ZNF503: variants seen among roughly 807,000 people sequenced by gnomAD.
ZNF503 encodes NocA-like zinc finger 2.
Under a neutral mutation model 34.4 loss-of-function variants are expected in ZNF503, and 15 were observed. That is an observed-to-expected ratio of 0.44 (90% CI 0.29 to 0.67). The LOEUF is 0.67. ZNF503 is among the 30% of genes least tolerant of loss of function. The probability of loss-of-function intolerance (pLI) is 0.13; values close to 1 mark genes in which losing one functional copy is unlikely to be tolerated. For synonymous variants in ZNF503, 580 were observed against 456.8 expected (o/e 1.27, Z -3.44); for missense variants, 1,007 against 926.8 (o/e 1.09, Z -1.12).
chr10:75,396,290 C>T (rs1843696036), downstream of ZNF503, among the ~76,000 whole-genome samples: 1 of 152,084 alleles, frequency 6.6e-6, no homozygotes, highest in Admixed American at 6.5e-5. The surrounding 1 kb of genome is among the most constrained non-coding windows in gnomAD (Gnocchi z 4.4). Context: ...GGCCAGGGGT[C>T]CTCCTCGGCG....
the ZNF503 span, among the ~76,000 whole-genome samples, chr10:75,360,185 A>G: frequency 1.5e-5 from 2 of 137,904 alleles, no homozygotes; most frequent in South Asian, 4.5e-4. Context: ...CAGTGGCTCG[A>G]TCTCCGCTCA....
chr10:75,324,070 GTT>G, the ZNF503 span, among the ~76,000 whole-genome samples: 1 of 10,198 alleles, frequency 9.8e-5, no homozygotes, highest in Non-Finnish European at 2.3e-4. Context: ...TTTTATATGC[GTT>G]TGTCAGAAAT....
chr10:75,393,971 C>T (rs1843670668), downstream of ZNF503, among the ~76,000 whole-genome samples: 1 of 152,234 alleles, frequency 6.6e-6, no homozygotes, highest in African/African-American at 2.4e-5. Context: ...ACGTTCACCA[C>T]ACCCTCCTCT....
chr10:75,350,817 G>C, the ZNF503 span, among the ~76,000 whole-genome samples: 1 of 152,086 alleles, frequency 6.6e-6, no homozygotes, highest in South Asian at 2.1e-4. Context: ...GCTTCCCAAA[G>C]TGCTAGGATT....
rs921742982 is a variant in ZNF503 at position 75,398,483 on chromosome 10, CTTTT to C, written c.*262_*265del. ...TGAACACTTTCTCAATTATTTTTTC[CTTTT>C]TTTTTCTATAAAAAGTCAAATGATA... On this transcript the variant is annotated 3_prime_UTR_variant, in exon 2 of 2. Coordinates refer to ENST00000372524, the MANE Select transcript of ZNF503 (RefSeq NM_032772.6). The C allele has an allele frequency of 2.2e-5, 8 of 356,220 alleles. No homozygotes were observed. The South Asian group carries it at 7.5e-4, about 33-fold the overall frequency. The allele number at this position is 356,220 out of a possible 1,614,324, so 22.1% of individuals were successfully genotyped here.
At chr10:75,366,010 A>T in the ZNF503 span, among the ~76,000 whole-genome samples, 1 of 152,222 alleles carries the variant, frequency 6.6e-6, no homozygotes, top group Non-Finnish European at 1.5e-5. Flanking sequence ...TCCACTGTTT[A>T]GAGTAGCAAG....
the ZNF503 span, among the ~76,000 whole-genome samples, chr10:75,291,617 A>T: frequency 1.3e-5 from 2 of 152,150 alleles, no homozygotes; most frequent in Non-Finnish European, 2.9e-5. Context: ...TCTCAAAAAA[A>T]ATCCCCAAAA....
chr10:75,302,893 A>T, the ZNF503 span, among the ~76,000 whole-genome samples: 1 of 152,102 alleles, frequency 6.6e-6, no homozygotes, highest in Non-Finnish European at 1.5e-5. Context: ...GCAGTTATAG[A>T]CTCATATTGT....
chr10:75,314,465 T>C, the ZNF503 span, among the ~76,000 whole-genome samples: 1 of 152,050 alleles, frequency 6.6e-6, no homozygotes, highest in Admixed American at 6.6e-5. Flanking sequence ...ATCTGTGAAC[T>C]TGAAGATAGG....
the ZNF503 span, chr10:75,288,321 C>T: frequency 0.17 from 25,580 of 152,544 alleles, 2,597 homozygotes; most frequent in Non-Finnish European, 0.22. Flanking sequence ...TGTGCCTGGG[C>T]CTGGGGCCTC....
At chr10:75,283,368 G>C in the ZNF503 span, 1 of 152,314 alleles carries the variant, frequency 6.6e-6, no homozygotes, top group Non-Finnish European at 1.5e-5. Flanking sequence ...ACGTGTGGCT[G>C]GTGTCAATCC....
chr10:75,339,060 G>A, the ZNF503 span, among the ~76,000 whole-genome samples: 19 of 152,004 alleles, frequency 1.2e-4, 1 homozygote, highest in South Asian at 1.0e-3. Flanking sequence ...GTGAAACCTC[G>A]TCTCTACTAA....
chr10:75,399,005 G>T lies in ZNF503; in HGVS notation c.1685C>A (p.Ala562Asp), dbSNP rs772269152. ...AGCCATGGCGGCCGCGGCAGCGCTG[G>T]CCAGAGACGACGAGCTGGGGTAGCC... ...LSGYPSSSSL[A>D]SAAAAAMACH... The change falls in exon 2 of 2, where the codon GCC (alanine) becomes GAC (aspartate). Residue 562 changes from alanine (A) to aspartate (D), a missense_variant. Coordinates refer to ENST00000372524, the MANE Select transcript of ZNF503 (RefSeq NM_032772.6). 2 of 1,608,232 alleles carry T rather than the reference G, an allele frequency of 1.2e-6. No homozygotes were observed. The highest frequency in any genetic ancestry group is 8.5e-7 in the Non-Finnish European group (1 of 1,179,406).
At chr10:75,340,944 A>T in the ZNF503 span, among the ~76,000 whole-genome samples, 1 of 152,218 alleles carries the variant, frequency 6.6e-6, no homozygotes, top group Non-Finnish European at 1.5e-5. Flanking sequence ...ATTTTACGTG[A>T]AAAGAGCAGA....
At chr10:75,330,063 A>G in the ZNF503 span, among the ~76,000 whole-genome samples, 1 of 152,186 alleles carries the variant, frequency 6.6e-6, no homozygotes, top group African/African-American at 2.4e-5. Context: ...TTAATTATGA[A>G]TGAATGTTGA....
the ZNF503 span, among the ~76,000 whole-genome samples, chr10:75,337,543 AG>A: frequency 2.0e-5 from 3 of 151,698 alleles, no homozygotes; most frequent in African/African-American, 7.3e-5. Context: ...GCTTGAACCC[AG>A]GAGGCAGAGG....
the ZNF503 span, among the ~76,000 whole-genome samples, chr10:75,315,163 C>T: frequency 2.6e-3 from 394 of 152,226 alleles, 2 homozygotes; most frequent in African/African-American, 8.9e-3. Context: ...AATTCGAGAC[C>T]AGCCTGGGCA....
downstream of ZNF503, among the ~76,000 whole-genome samples, chr10:75,395,038 G>C (rs931129030): frequency 4.6e-5 from 7 of 152,214 alleles, no homozygotes; most frequent in Non-Finnish European, 1.0e-4. The surrounding 1 kb of genome is among the most constrained non-coding windows in gnomAD (Gnocchi z 4.4). Context: ...ACTTAGCCTC[G>C]GTTTCTCAAA....
chr10:75,320,055 G>T, the ZNF503 span, among the ~76,000 whole-genome samples: 29,920 of 152,126 alleles, frequency 0.2, 3,128 homozygotes, highest in African/African-American at 0.24. Context: ...AATAGAGGAG[G>T]AGGGAAAATT....
Sources: allele counts gnomAD v4.1 joint callset (sites outside exome capture counted in the v4.1 genomes callset), GRCh38; gene constraint gnomAD v4.1.1; non-coding constraint Gnocchi (gnomAD v3.1); transcripts MANE v1.5; gene names NCBI Gene and HGNC (gene_info 2026-07-23, HGNC 2026-07-21).